The following GABRG3 variants were observed in gnomAD, a reference collection of about 807,000 sequenced individuals.
GABRG3 encodes gamma-aminobutyric acid type A receptor subunit gamma3, also known as gamma-aminobutyric acid receptor subunit gamma-3.
Under a neutral mutation model 48.8 loss-of-function variants are expected in GABRG3, and 25 were observed. The ratio of observed to expected loss-of-function variants is 0.51; its 90% confidence interval spans 0.37 to 0.72. The LOEUF (loss-of-function observed/expected upper bound fraction) is 0.72. Among genes scored for constraint, GABRG3 ranks in the 30% least tolerant of loss-of-function variants. The pLI, the probability that GABRG3 is intolerant of heterozygous loss-of-function variation, is 0.00. For synonymous variants in GABRG3, 227 were observed against 217.6 expected (o/e 1.04, Z -0.38); for missense variants, 394 against 577.9 (o/e 0.68, Z 3.26).
At chr15:27,216,028 G>A (rs920214967) in intron 3 of GABRG3, among the ~76,000 whole-genome samples, 1 of 152,192 alleles carries the variant, frequency 6.6e-6, no homozygotes, top group South Asian at 2.1e-4. Flanking sequence ...AATTGGCTGG[G>A]ATAAACCTCC....
chr15:27,302,261 G>T (rs1892236158), intron 3 of GABRG3, among the ~76,000 whole-genome samples: 1 of 151,998 alleles, frequency 6.6e-6, no homozygotes, highest in Admixed American at 6.6e-5. Context: ...AAGTGGAGAG[G>T]GTAACGGAAT....
At chr15:26,980,681 CAAAAAAAA>C (rs67711680) in intron 2 of GABRG3, among the ~76,000 whole-genome samples, 1 of 124,040 alleles carries the variant, frequency 8.1e-6, no homozygotes, top group African/African-American at 2.7e-5. Context: ...TCCTCTGTCT[CAAAAAAAA>C]AAAAAAAAAA....
chr15:27,167,963 C>T (rs1199950473), intron 3 of GABRG3, among the ~76,000 whole-genome samples: 1 of 152,148 alleles, frequency 6.6e-6, no homozygotes, highest in African/African-American at 2.4e-5. Context: ...CAGTCAGATG[C>T]CCGCTAGGCG....
At chr15:27,172,851 G>A (rs1483386440) in intron 3 of GABRG3, among the ~76,000 whole-genome samples, 1 of 152,112 alleles carries the variant, frequency 6.6e-6, no homozygotes, top group Non-Finnish European at 1.5e-5. Context: ...CCACTCCATA[G>A]ACAGCGTCAT....
chr15:27,225,465 T>A (rs1255449792), intron 3 of GABRG3, among the ~76,000 whole-genome samples: 1 of 152,200 alleles, frequency 6.6e-6, no homozygotes, highest in East Asian at 1.9e-4. Context: ...CTGACGATTT[T>A]ACTTATAAAG....
At chr15:27,443,032 C>T (rs1211222147) in intron 5 of GABRG3, among the ~76,000 whole-genome samples, 1 of 152,158 alleles carries the variant, frequency 6.6e-6, no homozygotes, top group African/African-American at 2.4e-5. Context: ...TCCCCCAAAT[C>T]CCTGTGTTGA....
At chr15:27,230,501 A>AT (rs1889763679) in intron 3 of GABRG3, among the ~76,000 whole-genome samples, 1 of 146,908 alleles carries the variant, frequency 6.8e-6, no homozygotes, top group Non-Finnish European at 1.5e-5. Context: ...TGTTACTGTT[A>AT]TTTTTTAATT....
chr15:27,141,611 T>C (rs1396456746), intron 3 of GABRG3, among the ~76,000 whole-genome samples: 1 of 152,218 alleles, frequency 6.6e-6, no homozygotes, highest in Non-Finnish European at 1.5e-5. Flanking sequence ...ACAAATGGCT[T>C]GGTGTCACTC....
intron 5 of GABRG3, among the ~76,000 whole-genome samples, chr15:27,419,560 T>A (rs1050609367): frequency 6.6e-6 from 1 of 152,134 alleles, no homozygotes; most frequent in East Asian, 1.9e-4. Flanking sequence ...CCTCCGAGTG[T>A]CATAGGAAGC....
chr15:27,138,657 C>G (rs935987099), intron 3 of GABRG3, among the ~76,000 whole-genome samples: 5 of 152,182 alleles, frequency 3.3e-5, no homozygotes, highest in Admixed American at 2.0e-4. Context: ...TGTTGGACGT[C>G]CTTTGTGCCA....
chr15:27,478,057 A>G (rs943755448), intron 5 of GABRG3, among the ~76,000 whole-genome samples: 1 of 150,884 alleles, frequency 6.6e-6, no homozygotes, highest in East Asian at 1.9e-4. Flanking sequence ...ACAAAAAAAA[A>G]AAAAAGAAAG....
chr15:27,222,465 C>G (rs148835938), intron 3 of GABRG3, among the ~76,000 whole-genome samples: 200 of 152,318 alleles, frequency 1.3e-3, no homozygotes, highest in African/African-American at 4.7e-3. Context: ...AAAAGATCCA[C>G]AAGCAAACTC....
chr15:27,312,072 A>G (rs1191806283), intron 3 of GABRG3, among the ~76,000 whole-genome samples: 1 of 152,176 alleles, frequency 6.6e-6, no homozygotes, highest in Non-Finnish European at 1.5e-5. Context: ...GGTAAGGAGA[A>G]CAATTAATGG....
At chr15:27,186,406 T>C (rs1888099735) in intron 3 of GABRG3, among the ~76,000 whole-genome samples, 1 of 152,172 alleles carries the variant, frequency 6.6e-6, no homozygotes, top group Middle Eastern at 3.2e-3. Flanking sequence ...TTATCCAATC[T>C]AGGTGTTGAT....
chr15:27,242,512 C>G (rs1047918396), intron 3 of GABRG3, among the ~76,000 whole-genome samples: 2 of 152,184 alleles, frequency 1.3e-5, no homozygotes, highest in Non-Finnish European at 2.9e-5. Context: ...ACTCATATTA[C>G]TTTGATATTT....
At chr15:27,248,798 A>AC (rs1233303836) in intron 3 of GABRG3, among the ~76,000 whole-genome samples, 4 of 123,886 alleles carry the variant, frequency 3.2e-5, no homozygotes, top group African/African-American at 1.3e-4. Flanking sequence ...ACACACACAC[A>AC]CACACAGAGA....
chr15:27,375,096 C>G (rs1895551270), intron 5 of GABRG3, among the ~76,000 whole-genome samples: 1 of 152,052 alleles, frequency 6.6e-6, no homozygotes, highest in Admixed American at 6.6e-5. Flanking sequence ...GAAGAACAAA[C>G]AGTGGCTTGG....
chr15:27,391,793 G>A (rs1289566103), intron 5 of GABRG3, among the ~76,000 whole-genome samples: 3 of 152,158 alleles, frequency 2.0e-5, no homozygotes, highest in Non-Finnish European at 1.5e-5. Context: ...TAAATTCTTT[G>A]TTTAAAACAC....
chr15:27,259,077 T>C (rs983639884), intron 3 of GABRG3, among the ~76,000 whole-genome samples: 4 of 152,240 alleles, frequency 2.6e-5, no homozygotes, highest in African/African-American at 9.6e-5. Flanking sequence ...GATAGGGTTT[T>C]ATTCTTTTTT....
Sources: gnomAD v4.1 joint callset for allele counts (sites outside exome capture counted in the v4.1 genomes callset) on GRCh38, gnomAD v4.1.1 for gene constraint, MANE v1.5 for transcripts, NCBI Gene and HGNC (gene_info 2026-07-23, HGNC 2026-07-21) for gene names.